SLC41A3: variants seen among roughly 807,000 people sequenced by gnomAD.
SLC41A3 encodes the protein SLC41A1-like 2.
SLC41A3 carries 44 observed loss-of-function variants against 45.4 expected under a neutral mutation model. That is an observed-to-expected ratio of 0.97 (90% CI 0.76 to 1.25). The LOEUF (loss-of-function observed/expected upper bound fraction) is 1.25, where lower values mean the gene tolerates loss of function less well. Ranked by LOEUF, SLC41A3 falls within the 50% of genes most tolerant of loss-of-function variation. SLC41A3 has a pLI of 0.00. For synonymous variants in SLC41A3, 256 were observed against 252.4 expected (o/e 1.01, Z -0.13); for missense variants, 550 against 600.6 (o/e 0.92, Z 0.88).
At chr3:126,056,546 C>T (rs1179331144) in intron 2 of SLC41A3, 2 of 1,613,234 alleles carry the variant, frequency 1.2e-6, no homozygotes, top group Non-Finnish European at 1.7e-6. Flanking sequence ...AGCTGGGTGA[C>T]CACCATGGCC....
rs1941306035 is a variant in SLC41A3 at position 126,026,003 on chromosome 3, T to A, written c.598+332A>T. On this transcript the variant is annotated intron_variant, in intron 5 of 10. Coordinates refer to ENST00000360370, the MANE Select transcript of SLC41A3 (RefSeq NM_017836.4). This position sits in a 1 kb window ranked among gnomAD's most constrained non-coding sequence, Gnocchi z 4.2. ...AAAACCAACAGGCTGACTGCACAGA[T>A]GAACAAGCCTGCTCTGTGCAGGTGT... 6.6e-6 allele frequency among the ~76,000 whole-genome samples: 1 copy of A among 152,182 alleles called. No homozygotes were observed. Among genetic ancestry groups the A allele is most frequent in the Admixed American group, 6.5e-5 (1 of 15,280 alleles).
chr3:126,037,183 T>C (rs533772597), intron 3 of SLC41A3, among the ~76,000 whole-genome samples: 7 of 152,132 alleles, frequency 4.6e-5, no homozygotes, highest in Non-Finnish European at 8.8e-5. Flanking sequence ...GTCTAGCACC[T>C]CCTTCCCTTC....
At chr3:126,064,291 C>T (rs1944238660) in intron 2 of SLC41A3, among the ~76,000 whole-genome samples, 1 of 152,052 alleles carries the variant, frequency 6.6e-6, no homozygotes, top group African/African-American at 2.4e-5. Context: ...AGGAACTGTC[C>T]CTCCACATCC....
upstream of SLC41A3, chr3:126,085,280 C>T (rs1206153916): frequency 6.6e-6 from 1 of 152,238 alleles, no homozygotes; most frequent in Non-Finnish European, 1.5e-5. Context: ...CACATGTTCT[C>T]AAGACCTCCT....
intron 4 of SLC41A3, among the ~76,000 whole-genome samples, chr3:126,029,584 G>A (rs1397276903): frequency 2.0e-5 from 3 of 152,156 alleles, no homozygotes; most frequent in Non-Finnish European, 4.4e-5. Context: ...AATGCAAAAT[G>A]AACTAATACA....
chr3:126,037,999 A>G (rs1942327239), intron 3 of SLC41A3, among the ~76,000 whole-genome samples: 1 of 152,240 alleles, frequency 6.6e-6, no homozygotes, highest in Admixed American at 6.5e-5. Flanking sequence ...AAGAACATCA[A>G]GTACAGCTTC....
chr3:126,022,878 T>C lies in SLC41A3; in HGVS notation c.653A>G (p.Asp218Gly). 6.2e-7 allele frequency: 1 copy of C among 1,614,174 alleles called. No homozygotes were observed. The highest frequency in any genetic ancestry group is 8.5e-7 in the Non-Finnish European group (1 of 1,180,030). The change falls in exon 6 of 11, where the codon GAC becomes GGC. Residue 218 changes from aspartate to glycine, a missense_variant. Physicochemically the swap from Asp to Gly is moderately conservative, Grantham distance 94. Transcript: ENST00000360370. ...IGARKLGVNPDNIATPIAASL... is the reference protein window; with the variant it reads ...IGARKLGVNPGNIATPIAASL... ...GGCTGCAATGGGCGTGGCAATGTTG[T>C]CTGGGTTGACCCCGAGCTTTCGAGC...
intron 2 of SLC41A3, among the ~76,000 whole-genome samples, chr3:126,054,107 G>T (rs1462916713): frequency 6.6e-6 from 1 of 152,122 alleles, no homozygotes; most frequent in Admixed American, 6.5e-5. Flanking sequence ...TCTGGGGTGG[G>T]TTTTGTGGCA....
chr3:126,034,652 G>C (rs1942054593), intron 3 of SLC41A3, among the ~76,000 whole-genome samples: 1 of 152,180 alleles, frequency 6.6e-6, no homozygotes, highest in Admixed American at 6.5e-5. Context: ...TGGAACCCAG[G>C]GCGTGCTGAG....
At chr3:126,018,953 T>C (rs1383413294) in intron 6 of SLC41A3, among the ~76,000 whole-genome samples, 1 of 152,254 alleles carries the variant, frequency 6.6e-6, no homozygotes, top group Non-Finnish European at 1.5e-5. Context: ...AGCAGGGTCC[T>C]TCCTGTGGGA....
In SLC41A3 at chr3:126,006,706, C is replaced by A; in HGVS notation, c.*310G>T. The stretch of plus-strand genomic sequence containing the variant: ...ACCCTGCAAAGCATACTGGACATGC[C>A]TCTTCTTTACCTTCTCAGGCCAGAA... On this transcript the variant is annotated 3_prime_UTR_variant, in exon 11 of 11. Transcript: ENST00000360370. 1 of 1,456,712 alleles carries A rather than the reference C, an allele frequency of 6.9e-7. No individual in the cohort carries two copies. Among genetic ancestry groups the A allele is most frequent in the African/African-American group, 1.4e-5 (1 of 70,010 alleles). The allele number at this position is 1,456,712 out of a possible 1,614,324, so 90.2% of individuals were successfully genotyped here.
intron 1 of SLC41A3, among the ~76,000 whole-genome samples, chr3:126,079,284 A>ACG (rs1388717031): frequency 1.5e-5 from 1 of 66,678 alleles, no homozygotes; most frequent in African/African-American, 6.3e-5. Context: ...TAAGGGACAC[A>ACG]CACACACACA....
chr3:126,069,652 G>A (rs2108028269), intron 1 of SLC41A3, among the ~76,000 whole-genome samples: 1 of 152,218 alleles, frequency 6.6e-6, no homozygotes, highest in Middle Eastern at 3.4e-3. Context: ...CCCTGAAGGA[G>A]GCTAAAACTT....
intron 1 of SLC41A3, among the ~76,000 whole-genome samples, chr3:126,089,632 G>A (rs919036414): frequency 1.3e-5 from 2 of 152,196 alleles, no homozygotes; most frequent in African/African-American, 2.4e-5. Flanking sequence ...CATATCGTTT[G>A]TGGAACATTT....
chr3:126,026,499 A>G lies in SLC41A3; in HGVS notation c.454-20T>C. 1.9e-6 allele frequency: 3 copies of G among 1,597,034 alleles called. No individual in the cohort carries two copies. Among genetic ancestry groups the G allele is most frequent in the Non-Finnish European group, 2.6e-6 (3 of 1,171,266 alleles). On this transcript the variant is annotated intron_variant, in intron 4 of 10. Transcript: ENST00000360370. This position sits in a 1 kb window ranked among gnomAD's most constrained non-coding sequence, Gnocchi z 4.2. ...CTGCACCTGTTGGACAGAAATCAGAAGCATGAAGGGGGGCCCCGGGGCCAC... is the reference window on the plus strand; with the variant it reads ...CTGCACCTGTTGGACAGAAATCAGAGGCATGAAGGGGGGCCCCGGGGCCAC...
intron 1 of SLC41A3, among the ~76,000 whole-genome samples, chr3:126,095,849 C>G (rs1333470599): frequency 6.6e-6 from 1 of 152,132 alleles, no homozygotes; most frequent in East Asian, 1.9e-4. Flanking sequence ...ACACTATGTT[C>G]AGATGGTCTG....
At chr3:126,043,781 A>T (rs1168672123) in intron 3 of SLC41A3, among the ~76,000 whole-genome samples, 1 of 150,578 alleles carries the variant, frequency 6.6e-6, no homozygotes, top group Non-Finnish European at 1.5e-5. Context: ...GGAACTAAGA[A>T]GGCAATCAAA....
At chr3:126,076,030 G>A (rs550374403) in intron 1 of SLC41A3, among the ~76,000 whole-genome samples, 51 of 152,282 alleles carry the variant, frequency 3.3e-4, no homozygotes, top group African/African-American at 1.0e-3. Flanking sequence ...ACACTCTCAA[G>A]AAAGTAAAGA....
Position 126,022,907 on chromosome 3 carries a change from A to C in SLC41A3, c.624T>G (p.Ile208Met). 6.2e-7 allele frequency: 1 copy of C among 1,614,226 alleles called. No homozygotes were observed. The highest frequency in any genetic ancestry group is 8.5e-7 in the Non-Finnish European group (1 of 1,180,050). ...ALGVLMVCIV[I>M]GARKLGVNPD... is the part of the protein sequence containing the mutation. ...GGTTGACCCCGAGCTTTCGAGCACC[A>C]ATCACTATACAGACCATCAGCACCC... The change falls in exon 6 of 11, where the codon ATT (isoleucine) becomes ATG (methionine). Residue 208 changes from isoleucine to methionine, a missense_variant. By Grantham distance (10) the Ile-to-Met change is conservative. Transcript: ENST00000360370.
Sources: gnomAD v4.1 joint callset for allele counts (sites outside exome capture counted in the v4.1 genomes callset) on GRCh38, gnomAD v4.1.1 for gene constraint, Gnocchi (gnomAD v3.1) non-coding constraint, MANE v1.5 for transcripts, NCBI Gene and HGNC (gene_info 2026-07-23, HGNC 2026-07-21) for gene names.